Variants in PHC2 observed in about 807,000 individuals in gnomAD.
The protein encoded by PHC2 is polyhomeotic-like protein 2.
PHC2 carries 29 observed loss-of-function variants against 87.4 expected under a neutral mutation model. The ratio of observed to expected loss-of-function variants is 0.33; its 90% CI spans 0.25 to 0.45. PHC2 has a LOEUF of 0.45. Among genes scored for constraint, PHC2 ranks in the 20% least tolerant of loss-of-function variants. The pLI, the probability that PHC2 is intolerant of heterozygous loss-of-function variation, is 1.00. For synonymous variants in PHC2, 438 were observed against 461.7 expected, an observed-to-expected ratio of 0.95 and a Z score of 0.66; for missense variants, 857 against 1,136.7, an observed-to-expected ratio of 0.75 and a Z score of 3.54.
In PHC2 at chr1:33,364,004, A is replaced by T. The variant is rs1570486955; in HGVS notation, c.976+3112T>A. The T allele has an allele frequency of 1.9e-6, 1 of 523,914 alleles. No individual in the cohort carries two copies. The highest frequency in any genetic ancestry group is 2.4e-6 in the Non-Finnish European group (1 of 412,926). 32.5% of individuals were successfully genotyped at this position (523,914 alleles called of 1,614,324 possible). On this transcript the variant is annotated intron_variant, in intron 7 of 14. Coordinates refer to ENST00000683057, the MANE Select transcript of PHC2 (RefSeq NM_001385109.1). The surrounding 1 kb of genome is among the most constrained non-coding windows in gnomAD (Gnocchi z 4.1). ...TCTCCGCCCCTTACTCCCCTCCCCC[A>T]CCTGCTCCCCCACCCCTATTCTCGG... is the stretch of plus-strand genomic sequence containing the variant.
chr1:33,379,947 C>T (rs1648412956), intron 1 of PHC2, among the ~76,000 whole-genome samples: 1 of 152,156 alleles, frequency 6.6e-6, no homozygotes. Flanking sequence ...CTTGTAGTCT[C>T]CCCCTCCCTG....
chr1:33,357,492 AGAGG>A (rs1032179337), intron 7 of PHC2, among the ~76,000 whole-genome samples: 4 of 152,224 alleles, frequency 2.6e-5, no homozygotes, highest in Non-Finnish European at 5.9e-5. Flanking sequence ...AGTCAGAGAG[AGAGG>A]GACTATGGAT....
In PHC2 at chr1:33,368,578, C is replaced by A; in HGVS notation, c.621G>T (p.Glu207Asp). Residue 207 changes from glutamate to aspartate, a missense_variant, in exon 6 of 15, where the codon GAG (glutamate) becomes GAT (aspartate). By Grantham distance (45) the Glu-to-Asp change is conservative (BLOSUM62 2). Around this residue, in one of 3 missense-constraint regions of PHC2, gnomAD observed 832 missense variants for 1,081.8 expected, o/e 0.77. Coordinates refer to ENST00000683057, the MANE Select transcript of PHC2 (RefSeq NM_001385109.1). This position sits in a 1 kb window ranked among gnomAD's most constrained non-coding sequence, Gnocchi z 6.6. ...GCCGGGCGGGGGAGCCAGTGCCGAG[C>A]TCAGGCTGCACAGTAGCGACGGTGG... ...PTATVATVQP[E>D]LGTGSPARPP... 1.3e-6 allele frequency: 2 copies of A among 1,550,510 alleles called. No homozygotes were observed. Among genetic ancestry groups the A allele is most frequent in the Non-Finnish European group, 1.7e-6 (2 of 1,146,580 alleles).
In PHC2 at chr1:33,369,833, A is replaced by AGCCTTAGT. The variant is rs1647713656; in HGVS notation, c.576+587_576+588insACTAAGGC. 6.6e-6 allele frequency among the ~76,000 whole-genome samples: 1 copy of AGCCTTAGT among 152,080 alleles called. No individual in the cohort carries two copies. The highest frequency in any genetic ancestry group is 6.6e-5 in the Admixed American group (1 of 15,264). On this transcript the variant is annotated intron_variant, in intron 5 of 14. Transcript: ENST00000683057. The surrounding 1 kb of genome is among the most constrained non-coding windows in gnomAD (Gnocchi z 4.7). ...CAGGGCATTCTCCTAAATCTTAGGG[A>AGCCTTAGT]CCTGGTAGGCTCCTAAGGACCTTTG...
At chr1:33,348,019 C>T (rs1356471421) in intron 9 of PHC2, among the ~76,000 whole-genome samples, 1 of 152,192 alleles carries the variant, frequency 6.6e-6, no homozygotes, top group Non-Finnish European at 1.5e-5. Context: ...TTTTATATTC[C>T]CCAGTGCCTA....
At chr1:33,326,331 G>A (rs779182799) in intron 14 of PHC2, 23 of 161,406 alleles carry the variant, frequency 1.4e-4, no homozygotes, top group Non-Finnish European at 2.5e-4. Context: ...AGAAAACACG[G>A]TCTACAGATT....
At chr1:33,342,186 G>T (rs1365879927) in intron 9 of PHC2, among the ~76,000 whole-genome samples, 1 of 152,220 alleles carries the variant, frequency 6.6e-6, no homozygotes, top group Non-Finnish European at 1.5e-5. Flanking sequence ...CCAAGCCAGG[G>T]GACCCTCCAG....
chr1:33,414,511 C>T (rs2148396325), intron 1 of PHC2, among the ~76,000 whole-genome samples: 1 of 152,294 alleles, frequency 6.6e-6, no homozygotes, highest in East Asian at 1.9e-4. Context: ...CTGAAGCCCA[C>T]TGACAAAGAA....
chr1:33,342,686 G>A (rs1028631942), intron 9 of PHC2, among the ~76,000 whole-genome samples: 8 of 152,152 alleles, frequency 5.3e-5, no homozygotes, highest in Non-Finnish European at 1.2e-4. Context: ...AACACACCAG[G>A]GAATAATAGC....
At chr1:33,366,128 T>A (rs1367560799) in intron 7 of PHC2, among the ~76,000 whole-genome samples, 1 of 152,250 alleles carries the variant, frequency 6.6e-6, no homozygotes, top group East Asian at 1.9e-4. Flanking sequence ...GATATATTCT[T>A]GATGTATTTT....
chr1:33,371,949 G>T (rs1364115300), intron 3 of PHC2, among the ~76,000 whole-genome samples: 1 of 152,242 alleles, frequency 6.6e-6, no homozygotes, highest in African/African-American at 2.4e-5. Flanking sequence ...GCAACAATGG[G>T]CAGACAAGCT....
intron 1 of PHC2, among the ~76,000 whole-genome samples, chr1:33,404,970 A>T (rs1649693661): frequency 6.6e-6 from 1 of 152,190 alleles, no homozygotes; most frequent in Non-Finnish European, 1.5e-5. Context: ...TGCACAGTAG[A>T]TGAGAGAGAA....
intron 9 of PHC2, among the ~76,000 whole-genome samples, chr1:33,337,682 T>C (rs1400629799): frequency 2.6e-5 from 4 of 152,236 alleles, no homozygotes; most frequent in African/African-American, 9.6e-5. Context: ...ATGTCACTCA[T>C]GACCACAGTC....
intron 7 of PHC2, among the ~76,000 whole-genome samples, chr1:33,356,256 T>TATATATATAC (rs1553185642): frequency 1.2e-5 from 1 of 80,394 alleles, no homozygotes; most frequent in Non-Finnish European, 2.7e-5. Context: ...TTCTTATATA[T>TATATATATAC]ATATATATAT....
chr1:33,358,583 G>C (rs977447150), intron 7 of PHC2, among the ~76,000 whole-genome samples: 2 of 152,102 alleles, frequency 1.3e-5, no homozygotes, highest in African/African-American at 4.8e-5. Flanking sequence ...TCTTCTCTCT[G>C]TAATCCAGCT....
In PHC2 at chr1:33,349,823, G is replaced by C. The variant is rs1328510845; in HGVS notation, c.1558+4578C>G. 1.0e-6 allele frequency: 1 copy of C among 976,644 alleles called. No homozygotes were observed. Among genetic ancestry groups the C allele is most frequent in the Non-Finnish European group, 1.2e-6 (1 of 824,918 alleles). 60.5% of individuals were successfully genotyped at this position (976,644 alleles called of 1,614,324 possible). On this transcript the variant is annotated intron_variant, in intron 9 of 14. Transcript: ENST00000683057. The surrounding 1 kb of genome is among the most constrained non-coding windows in gnomAD (Gnocchi z 4.2). ...GGACGGGGGCGCGAGGCCGGGGCGGGAGCGCGGGCGGCGGCCGGGGTTGCG... is the reference window on the plus strand; with the variant it reads ...GGACGGGGGCGCGAGGCCGGGGCGGCAGCGCGGGCGGCGGCCGGGGTTGCG...
At chr1:33,416,761 A>G (rs1406145375) in intron 1 of PHC2, among the ~76,000 whole-genome samples, 1 of 152,130 alleles carries the variant, frequency 6.6e-6, no homozygotes, top group Non-Finnish European at 1.5e-5. Context: ...ACTGAAATAA[A>G]TAATTCCAGT....
intron 9 of PHC2, chr1:33,347,721 G>A (rs1483742027): frequency 2.9e-5 from 29 of 985,336 alleles, no homozygotes; most frequent in Non-Finnish European, 2.9e-5. Context: ...GTGCATGGAC[G>A]AGCCTGGAAA....
Position 33,355,135 on chromosome 1 carries a change from C to G in PHC2, c.1095G>C (p.Gln365His), listed in dbSNP as rs537365784. ...QPQQQQPPPQ[Q>H]SRPVLQAEPH... ...GCTCAGCTTGGAGCACAGGCCGTGA[C>G]TGCTGGGGCGGCGGCTGCTGCTGTT... Residue 365 changes from glutamine to histidine, a missense_variant, in exon 8 of 15, where the codon CAG becomes CAC. Physicochemically the swap from Gln to His is conservative, Grantham distance 24 (BLOSUM62 0). Around this residue, in one of 3 missense-constraint regions of PHC2, gnomAD observed 832 missense variants for 1,081.8 expected, o/e 0.77. Coordinates refer to ENST00000683057, the MANE Select transcript of PHC2 (RefSeq NM_001385109.1). The G allele has an allele frequency of 3.7e-6, 6 of 1,611,498 alleles. No homozygotes were observed. The highest frequency in any genetic ancestry group is 5.1e-6 in the Non-Finnish European group (6 of 1,179,068).
Sources: gnomAD v4.1 joint callset for allele counts (sites outside exome capture counted in the v4.1 genomes callset) on GRCh38, gnomAD v4.1.1 for gene constraint, gnomAD v4.1.1 regional missense constraint, Gnocchi (gnomAD v3.1) non-coding constraint, MANE v1.5 for transcripts, NCBI Gene and HGNC (gene_info 2026-07-23, HGNC 2026-07-21) for gene names.